UBE2B: variants seen among roughly 807,000 people sequenced by gnomAD.
UBE2B encodes ubiquitin-conjugating enzyme E2 B.
UBE2B carries 11 observed loss-of-function variants against 24.6 expected under a neutral mutation model. The ratio of observed to expected loss-of-function variants is 0.45; its 90% confidence interval spans 0.28 to 0.74. UBE2B has a LOEUF of 0.74. UBE2B is among the 30% of genes least tolerant of loss of function. The pLI, the probability that UBE2B is intolerant of heterozygous loss-of-function variation, is 0.13. For synonymous variants in UBE2B, 68 were observed against 62.4 expected (o/e 1.09, Z -0.42); for missense variants, 78 against 185.6 (o/e 0.42, Z 3.37).
At chr5:134,380,917 T>C in intron 4 of UBE2B, 109 bp downstream of exon 4, 1 of 680,568 alleles carries the variant, frequency 1.5e-6, no homozygotes, top group Non-Finnish European at 2.6e-6. Context: ...TTGTAGGTGT[T>C]GCTTCCATGT....
chr5:134,380,360 G>A (rs1758688686), intron 3 of UBE2B, among the ~76,000 whole-genome samples: 1 of 152,216 alleles, frequency 6.6e-6, no homozygotes, highest in Non-Finnish European at 1.5e-5. Context: ...CCATGTGGTA[G>A]TCAGACCCTC....
intron 1 of UBE2B, among the ~76,000 whole-genome samples, chr5:134,372,028 C>T (rs1344231242): frequency 2.6e-5 from 4 of 152,252 alleles, no homozygotes; most frequent in African/African-American, 9.6e-5. Context: ...TCCTCTCCGG[C>T]AGCACCAGTC....
At position 134,390,507 on chromosome 5, in the gene UBE2B, A is replaced by G. The variant is rs1758883472; in HGVS notation, c.*154A>G. 3 of 817,650 alleles carry G rather than the reference A, an allele frequency of 3.7e-6. No individual in the cohort carries two copies. The East Asian group carries it at 8.4e-5, about 23-fold the overall frequency. The allele number at this position is 817,650 out of a possible 1,614,324, so 50.6% of individuals were successfully genotyped here. ...GTTTAGAACCTACAAAAGCTTGTGT[A>G]TCTTGATTAATGTACTTTTTATTGC... On this transcript the variant is annotated 3_prime_UTR_variant, in exon 6 of 6. Coordinates refer to ENST00000265339, the MANE Select transcript of UBE2B (RefSeq NM_003337.4). The surrounding 1 kb of genome is among the most constrained non-coding windows in gnomAD (Gnocchi z 4.6).
chr5:134,382,428 T>G, intron 4 of UBE2B, among the ~76,000 whole-genome samples: 1 of 152,050 alleles, frequency 6.6e-6, no homozygotes. Context: ...CACTCTAGCC[T>G]GGGCAACAGA....
chr5:134,380,910 T>C, intron 4 of UBE2B, 102 bp downstream of exon 4: 1 of 719,786 alleles, frequency 1.4e-6, no homozygotes, highest in South Asian at 1.6e-5. Context: ...GGCTCACTTG[T>C]AGGTGTTGCT....
At chr5:134,385,670 A>T (rs1487956735) in intron 4 of UBE2B, 1 of 152,090 alleles carries the variant, frequency 6.6e-6, no homozygotes, top group African/African-American at 2.4e-5. Context: ...TAATGAAAGG[A>T]ATATGTATAC....
intron 3 of UBE2B, among the ~76,000 whole-genome samples, chr5:134,379,551 CAGG>C (rs1758669718): frequency 6.7e-6 from 1 of 148,420 alleles, no homozygotes; most frequent in Non-Finnish European, 1.5e-5. Context: ...GAGGCTGAGG[CAGG>C]AGAATTGCTT....
intron 5 of UBE2B, chr5:134,388,927 C>G (rs950728153): frequency 3.2e-5 from 10 of 311,522 alleles, no homozygotes; most frequent in Non-Finnish European, 5.4e-5. Context: ...AAAGTTTTTT[C>G]TCTCACACTT....
chr5:134,376,364 T>TATATATAC lies in UBE2B; in HGVS notation c.126-304_126-303insTATATACA, dbSNP rs70976528. 8.9e-4 allele frequency among the ~76,000 whole-genome samples: 71 copies of TATATATAC among 79,476 alleles called. 3 individuals are homozygous for TATATATAC. Among genetic ancestry groups the TATATATAC allele is most frequent in the African/African-American group, 3.2e-3 (63 of 19,408 alleles). 52.1% of individuals were successfully genotyped at this position (79,476 alleles called of 152,430 possible). On this transcript the variant is annotated intron_variant, in intron 2 of 5. Transcript: ENST00000265339. ...AAAAAAAAAAATATATATATATATA[T>TATATATAC]ACACATATGTACAAAATGACTGGTC... is the stretch of plus-strand genomic sequence containing the variant.
intron 2 of UBE2B, among the ~76,000 whole-genome samples, chr5:134,375,830 T>C (rs979330636): frequency 1.3e-5 from 2 of 148,874 alleles, no homozygotes; most frequent in Admixed American, 6.7e-5. Context: ...AAAAAAACTT[T>C]ATGCTGCTGC....
At chr5:134,386,584 A>T (rs1758805719) in intron 4 of UBE2B, among the ~76,000 whole-genome samples, 1 of 151,592 alleles carries the variant, frequency 6.6e-6, no homozygotes, top group Non-Finnish European at 1.5e-5. Flanking sequence ...GTGAGTTGAG[A>T]TTGCACCATT....
chr5:134,388,908 G>A (rs1758851747), intron 5 of UBE2B: 2 of 282,018 alleles, frequency 7.1e-6, no homozygotes, highest in South Asian at 2.9e-5. Context: ...GGTTTGTGAT[G>A]TTCTTTTTAA....
At chr5:134,385,396 A>G (rs575119081) in intron 4 of UBE2B, among the ~76,000 whole-genome samples, 1 of 152,342 alleles carries the variant, frequency 6.6e-6, no homozygotes, top group African/African-American at 2.4e-5. Flanking sequence ...TAGAGTCTGG[A>G]AGAATCACAG....
At chr5:134,386,366 A>C (rs1213066590) in intron 4 of UBE2B, among the ~76,000 whole-genome samples, 5 of 151,498 alleles carry the variant, frequency 3.3e-5, no homozygotes, top group Admixed American at 2.0e-4. Flanking sequence ...ACAGTGGCTC[A>C]TGCTTGTAAT....
At chr5:134,389,673 C>T (rs141058449) in intron 5 of UBE2B, among the ~76,000 whole-genome samples, 47 of 152,024 alleles carry the variant, frequency 3.1e-4, no homozygotes, top group African/African-American at 1.1e-3. Flanking sequence ...CTCAGCCTTC[C>T]GAGTAGCGGA....
In UBE2B at chr5:134,392,101, T is replaced by G. The variant is rs1331542848; in HGVS notation, c.*1748T>G. 6.6e-6 allele frequency: 1 copy of G among 152,238 alleles called. No homozygotes were observed. The highest frequency in any genetic ancestry group is 2.1e-4 in the South Asian group (1 of 4,836). 9.4% of individuals were successfully genotyped at this position (152,238 alleles called of 1,614,324 possible). ...TTAATTGTGTGGTGCTTTTATAGTT[T>G]AGCTCCAAAACAAACTATAGACATT... On this transcript the variant is annotated 3_prime_UTR_variant, in exon 6 of 6. Transcript: ENST00000265339.
intron 4 of UBE2B, among the ~76,000 whole-genome samples, chr5:134,387,284 T>C (rs1332258875): frequency 3.3e-5 from 5 of 152,154 alleles, no homozygotes; most frequent in Admixed American, 1.3e-4. Flanking sequence ...AGTATTATAG[T>C]GAACATCCTG....
chr5:134,372,356 C>T (rs1758476683), intron 1 of UBE2B, among the ~76,000 whole-genome samples: 1 of 152,138 alleles, frequency 6.6e-6, no homozygotes, highest in Non-Finnish European at 1.5e-5. Context: ...TAGACTGGCG[C>T]TAATCTGATA....
chr5:134,386,351 C>T (rs1430013229), intron 4 of UBE2B, among the ~76,000 whole-genome samples: 1 of 146,858 alleles, frequency 6.8e-6, no homozygotes, highest in East Asian at 2.0e-4. Flanking sequence ...AAAAAAGGGC[C>T]GGGCACAGTG....
Sources: gnomAD v4.1 joint callset for allele counts (sites outside exome capture counted in the v4.1 genomes callset) on GRCh38, gnomAD v4.1.1 for gene constraint, Gnocchi (gnomAD v3.1) non-coding constraint, MANE v1.5 for transcripts, NCBI Gene and HGNC (gene_info 2026-07-23, HGNC 2026-07-21) for gene names.